Variants in MTBP observed in about 807,000 individuals in gnomAD.
MTBP encodes mdm2-binding protein.
MTBP carries 101 observed loss-of-function variants against 117.0 expected under a neutral mutation model. The observed-to-expected ratio is 0.86, with a 90% CI of 0.73 to 1.02. The LOEUF (loss-of-function observed/expected upper bound fraction) is 1.02. MTBP is among the 50% of genes least tolerant of loss of function. MTBP has a pLI of 0.00. For missense variants in MTBP, 970 were observed against 1,030.9 expected (o/e 0.94, Z 0.81); for synonymous variants, 350 against 351.5 (o/e 1.00, Z 0.05).
At chr8:120,496,448 A>G (rs941885891) in intron 13 of MTBP, among the ~76,000 whole-genome samples, 7 of 152,188 alleles carry the variant, frequency 4.6e-5, no homozygotes, top group African/African-American at 1.7e-4. Flanking sequence ...TCACTATAGT[A>G]TGGTGAAGTG....
chr8:120,451,319 C>T lies in MTBP; in HGVS notation c.422C>T (p.Ala141Val). The change falls in exon 4 of 22, where the codon GCT becomes GTT. Residue 141 changes from alanine (A) to valine (V), a missense_variant. Coordinates refer to ENST00000305949, the MANE Select transcript of MTBP (RefSeq NM_022045.5). ...DSNSRESLSL[A>V]DLYEEAAENL... Reference sequence around the variant, plus strand: ...AATAGCAGGGAATCATTATCCTTGGCTGAGTATGCTTATATGGTTTTTGTA... The same window carrying T: ...AATAGCAGGGAATCATTATCCTTGGTTGAGTATGCTTATATGGTTTTTGTA... The T allele has an allele frequency of 6.2e-7, 1 of 1,610,452 alleles. No individual in the cohort carries two copies. Among genetic ancestry groups the T allele is most frequent in the South Asian group, 1.1e-5 (1 of 90,932 alleles).
intron 13 of MTBP, among the ~76,000 whole-genome samples, chr8:120,496,895 C>T (rs1368484886): frequency 6.6e-6 from 1 of 152,188 alleles, no homozygotes; most frequent in African/African-American, 2.4e-5. Flanking sequence ...GGCTCTTCCT[C>T]TGCTTTGCAG....
At chr8:120,448,684 G>T (rs1392601805) in intron 2 of MTBP, among the ~76,000 whole-genome samples, 1 of 152,152 alleles carries the variant, frequency 6.6e-6, no homozygotes, top group Non-Finnish European at 1.5e-5. Context: ...CTTAAACTAT[G>T]CAGTTATAGT....
chr8:120,522,509 A>AT lies in MTBP; in HGVS notation c.2611-137dup, dbSNP rs938052244. ...AACTAAATTATAATCTAGTACTTAG[A>AT]TTTTTTTTGTTGTTGTAGTCTGTCC... On this transcript the variant is annotated intron_variant, in intron 20 of 21. Transcript: ENST00000305949. The AT allele has an allele frequency of 3.2e-4, 180 of 557,442 alleles. 1 individual carries two copies. The highest frequency in any genetic ancestry group is 4.8e-4 in the Non-Finnish European group (153 of 321,714). The allele number at this position is 557,442 out of a possible 1,614,324, so 34.5% of individuals were successfully genotyped here. A position where few individuals can be genotyped will look rare whatever the true frequency, so the allele number is the denominator to read the frequency against.
At chr8:120,465,120 C>A (rs1404766824) in intron 10 of MTBP, among the ~76,000 whole-genome samples, 1 of 152,078 alleles carries the variant, frequency 6.6e-6, no homozygotes, top group Non-Finnish European at 1.5e-5. Context: ...ATAAAAAATA[C>A]CCTGCTTCTA....
chr8:120,477,795 A>G (rs1188806046), intron 11 of MTBP, among the ~76,000 whole-genome samples: 1 of 152,132 alleles, frequency 6.6e-6, no homozygotes, highest in African/African-American at 2.4e-5. Context: ...ACACTTATAC[A>G]CTGTTGGTGG....
At chr8:120,498,958 A>G (rs554619360) in intron 14 of MTBP, among the ~76,000 whole-genome samples, 57 of 152,334 alleles carry the variant, frequency 3.7e-4, no homozygotes, top group Non-Finnish European at 6.8e-4. Context: ...TTACCTGTAC[A>G]AAGGATACTT....
Position 120,455,590 on chromosome 8 carries a change from T to C in MTBP, c.629+11T>C. ...AAATCATTGTGAAATGTAAGCTTCT[T>C]TGTTCATATTTGATTATTGTCTGCC... On this transcript the variant is annotated intron_variant, in intron 6 of 21. Coordinates refer to ENST00000305949, the MANE Select transcript of MTBP (RefSeq NM_022045.5). 1 of 1,602,960 alleles carries C rather than the reference T, an allele frequency of 6.2e-7. No homozygotes were observed. Among genetic ancestry groups the C allele is most frequent in the Non-Finnish European group, 8.5e-7 (1 of 1,176,448 alleles).
intron 20 of MTBP, among the ~76,000 whole-genome samples, chr8:120,519,902 C>T (rs1814985839): frequency 6.6e-6 from 1 of 152,110 alleles, no homozygotes; most frequent in African/African-American, 2.4e-5. Flanking sequence ...ACTACAAGGT[C>T]TATCATGCAT....
chr8:120,499,792 A>G (rs1814543500), intron 14 of MTBP, among the ~76,000 whole-genome samples: 1 of 152,228 alleles, frequency 6.6e-6, no homozygotes. Context: ...CAAAGTTGCT[A>G]AAGACTTTGA....
chr8:120,486,773 C>T (rs961576023), intron 11 of MTBP, among the ~76,000 whole-genome samples: 4 of 152,158 alleles, frequency 2.6e-5, no homozygotes, highest in South Asian at 2.1e-4. Flanking sequence ...GCTTCGGACT[C>T]TTAAAAACTA....
intron 6 of MTBP, 99 bp downstream of exon 6, chr8:120,455,678 A>C (rs1813452803): frequency 1.6e-5 from 19 of 1,171,208 alleles, no homozygotes; most frequent in Non-Finnish European, 2.3e-5. Context: ...AAATTATTTT[A>C]ATATGACAAC....
chr8:120,482,233 T>C (rs1056339492), intron 11 of MTBP, among the ~76,000 whole-genome samples: 2 of 152,180 alleles, frequency 1.3e-5, no homozygotes, highest in East Asian at 1.9e-4. Context: ...TCACTGTCAC[T>C]GAAGAATCCT....
chr8:120,446,477 A>G lies in MTBP; in HGVS notation c.163A>G (p.Ser55Gly), dbSNP rs1384767051. 1 of 1,609,160 alleles carries G rather than the reference A, an allele frequency of 6.2e-7. No homozygotes were observed. Among genetic ancestry groups the G allele is most frequent in the East Asian group, 2.2e-5 (1 of 44,792 alleles). The change falls in exon 2 of 22, where the codon AGT (serine) becomes GGT (glycine). Residue 55 changes from serine (S) to glycine (G), a missense_variant. By Grantham distance (56) the Ser-to-Gly change is moderately conservative (BLOSUM62 0). Coordinates refer to ENST00000305949, the MANE Select transcript of MTBP (RefSeq NM_022045.5). ...TTATCACCTCTTGAAAAGAAGCATTAGTGCTTCAATTAATCCAGAAGATAG... is the reference window on the plus strand; with the variant it reads ...TTATCACCTCTTGAAAAGAAGCATTGGTGCTTCAATTAATCCAGAAGATAG... ...NVYHLLKRSISASINPEDSTF... is the reference protein window; with the variant it reads ...NVYHLLKRSIGASINPEDSTF...
At chr8:120,461,112 C>A in intron 8 of MTBP, 49 bp from the exon 9 acceptor site, 1 of 1,350,024 alleles carries the variant, frequency 7.4e-7, no homozygotes, top group Non-Finnish European at 1.0e-6. Flanking sequence ...AATTTGTTTA[C>A]TTTTGTTTAT....
In MTBP at chr8:120,466,099, A is replaced by G. The variant is rs538283644; in HGVS notation, c.1047+2338A>G. Among the ~76,000 whole-genome samples, 7 of 152,222 alleles carry G rather than the reference A, an allele frequency of 4.6e-5. No individual in the cohort carries two copies. In the South Asian group the frequency reaches 1.0e-3, roughly 23 times the overall value. On this transcript the variant is annotated intron_variant, in intron 10 of 21. Coordinates refer to ENST00000305949, the MANE Select transcript of MTBP (RefSeq NM_022045.5). The stretch of plus-strand genomic sequence containing the variant: ...ACTTTATAACTATGTTCCCAGTTCA[A>G]TGCAGCAAAAGGGATTATTTTTGAA...
chr8:120,463,963 A>G (rs953993838), intron 10 of MTBP, among the ~76,000 whole-genome samples: 1 of 152,126 alleles, frequency 6.6e-6, no homozygotes, highest in East Asian at 1.9e-4. Flanking sequence ...CTCTGCAAAC[A>G]TAAGTGACAT....
rs541685703 is a variant in MTBP at position 120,522,515 on chromosome 8, T to G, written c.2611-139T>G. On this transcript the variant is annotated intron_variant, in intron 20 of 21. Coordinates refer to ENST00000305949, the MANE Select transcript of MTBP (RefSeq NM_022045.5). ...ATTATAATCTAGTACTTAGATTTTTTTTGTTGTTGTAGTCTGTCCCTAATC... is the reference window on the plus strand; with the variant it reads ...ATTATAATCTAGTACTTAGATTTTTGTTGTTGTTGTAGTCTGTCCCTAATC... The G allele has an allele frequency of 1.1e-4, 63 of 568,792 alleles. 1 individual carries two copies. In the South Asian group the frequency reaches 1.7e-3, roughly 16 times the overall value. The allele number at this position is 568,792 out of a possible 1,614,324, so 35.2% of individuals were successfully genotyped here.
At chr8:120,456,520 C>A in intron 6 of MTBP, 33 bp from the exon 7 acceptor site, 1 of 1,266,182 alleles carries the variant, frequency 7.9e-7, no homozygotes, top group Non-Finnish European at 1.1e-6. Flanking sequence ...ATATAAAACC[C>A]TGTGTTTAAT....
Sources: gnomAD v4.1 joint callset for allele counts (sites outside exome capture counted in the v4.1 genomes callset) on GRCh38, gnomAD v4.1.1 for gene constraint, MANE v1.5 for transcripts, NCBI Gene and HGNC (gene_info 2026-07-23, HGNC 2026-07-21) for gene names.